Variants in CCDC7 observed in about 807,000 individuals in gnomAD.
The protein encoded by CCDC7 is coiled-coil domain-containing protein 7.
Under a neutral mutation model 196.9 loss-of-function variants are expected in CCDC7, and 183 were observed. The observed-to-expected ratio is 0.93, with a 90% CI of 0.82 to 1.05. The LOEUF is 1.05. Among genes scored for constraint, CCDC7 ranks in the 50% least tolerant of loss-of-function variants. The pLI is 0.00. For synonymous variants in CCDC7, 525 were observed against 484.6 expected (o/e 1.08, Z -1.10); for missense variants, 1,540 against 1,482.2 (o/e 1.04, Z -0.64).
chr10:32,676,852 T>C (rs1044358763), intron 21 of CCDC7, among the ~76,000 whole-genome samples: 10 of 152,252 alleles, frequency 6.6e-5, no homozygotes, highest in East Asian at 3.9e-4. Context: ...CCATTTGACC[T>C]AGCCATCCCA....
At chr10:32,705,116 C>A (rs987204636) in intron 24 of CCDC7, among the ~76,000 whole-genome samples, 2 of 152,140 alleles carry the variant, frequency 1.3e-5, no homozygotes, top group Non-Finnish European at 2.9e-5. Flanking sequence ...ATGCTGGGAG[C>A]TGTAGACTGG....
intron 28 of CCDC7, among the ~76,000 whole-genome samples, chr10:32,737,667 C>T (rs2085089447): frequency 6.6e-6 from 1 of 152,072 alleles, no homozygotes; most frequent in Non-Finnish European, 1.5e-5. Flanking sequence ...TCTTTGCAGT[C>T]CCATCTGTTT....
chr10:32,624,300 C>T (rs2063732305), intron 18 of CCDC7, among the ~76,000 whole-genome samples: 1 of 152,118 alleles, frequency 6.6e-6, no homozygotes, highest in South Asian at 2.1e-4. Context: ...GAGTGATCTT[C>T]TTAAAATATA....
At chr10:32,776,162 G>T (rs1273893574) in intron 28 of CCDC7, among the ~76,000 whole-genome samples, 81 of 145,932 alleles carry the variant, frequency 5.6e-4, no homozygotes, top group Non-Finnish European at 1.5e-4. Context: ...GGATAGCACT[G>T]GGAGATATAC....
chr10:32,746,425 T>A (rs1181008737), intron 28 of CCDC7, among the ~76,000 whole-genome samples: 1 of 152,172 alleles, frequency 6.6e-6, no homozygotes, highest in South Asian at 2.1e-4. Flanking sequence ...CTAGGCTGTG[T>A]GGATTCCAGA....
chr10:32,493,578 G>A (rs976319673), intron 9 of CCDC7, among the ~76,000 whole-genome samples: 1 of 151,580 alleles, frequency 6.6e-6, no homozygotes, highest in African/African-American at 2.4e-5. Context: ...TTGGTCATTC[G>A]GTAGTTCTGT....
chr10:32,870,936 G>A (rs549951508), intron 41 of CCDC7, among the ~76,000 whole-genome samples: 215 of 152,282 alleles, frequency 1.4e-3, no homozygotes, highest in Non-Finnish European at 2.7e-3. Flanking sequence ...TGCATCCCAG[G>A]GATGAAGCCC....
chr10:32,727,619 G>C (rs1368606615), intron 26 of CCDC7, among the ~76,000 whole-genome samples: 1 of 152,016 alleles, frequency 6.6e-6, no homozygotes, highest in African/African-American at 2.4e-5. Flanking sequence ...ATTCAGGAGA[G>C]GGCGCTTGAT....
intron 31 of CCDC7, among the ~76,000 whole-genome samples, chr10:32,820,481 G>A (rs2089943486): frequency 6.6e-6 from 1 of 151,964 alleles, no homozygotes; most frequent in Admixed American, 6.6e-5. Flanking sequence ...AGTTCATATG[G>A]AACCAAAAAA....
chr10:32,476,183 C>T (rs766789353), intron 8 of CCDC7, among the ~76,000 whole-genome samples: 1 of 152,078 alleles, frequency 6.6e-6, no homozygotes, highest in African/African-American at 2.4e-5. Context: ...GTTTAATTGC[C>T]CCCAAAATCC....
At position 32,668,694 on chromosome 10, in the gene CCDC7, A is replaced by G. The variant is rs369257452; in HGVS notation, c.2122+4533A>G. ...ACATTTATTGATTTGTGTATGTTGA[A>G]CCAGCCTTGCATCCCAGGGATGAAG... On this transcript the variant is annotated intron_variant, in intron 21 of 41. Coordinates refer to ENST00000639629, the Ensembl canonical transcript of CCDC7. Among the ~76,000 whole-genome samples the G allele has an allele frequency of 2.4e-4, 37 of 152,130 alleles. No homozygotes were observed. In the South Asian group the frequency reaches 7.5e-3, roughly 31 times the overall value.
chr10:32,582,129 TATATATATATA>T (rs2058798531), intron 16 of CCDC7, among the ~76,000 whole-genome samples: 1 of 91,954 alleles, frequency 1.1e-5, no homozygotes, highest in Non-Finnish European at 2.1e-5. Context: ...TATATATATA[TATATATATATA>T]CTTTTTTTTT....
At chr10:32,478,091 A>T (rs1309948539) in intron 8 of CCDC7, among the ~76,000 whole-genome samples, 1 of 152,206 alleles carries the variant, frequency 6.6e-6, no homozygotes, top group Non-Finnish European at 1.5e-5. Context: ...TTGAAATTTC[A>T]GTGCTACTAT....
intron 9 of CCDC7, among the ~76,000 whole-genome samples, chr10:32,515,377 T>C (rs1027067316): frequency 2.6e-5 from 4 of 152,094 alleles, no homozygotes; most frequent in Non-Finnish European, 4.4e-5. Context: ...GCTAGACATA[T>C]AGAGCAATGG....
At chr10:32,562,584 T>C (rs2055915247) in intron 13 of CCDC7, among the ~76,000 whole-genome samples, 1 of 152,204 alleles carries the variant, frequency 6.6e-6, no homozygotes, top group South Asian at 2.1e-4. Context: ...AGGAAAGGCC[T>C]TTGACAAAAT....
rs577336376 is a variant in CCDC7, at chr10:32,617,566, T to C, written c.1802-16688T>C. Among the ~76,000 whole-genome samples the C allele has an allele frequency of 1.4e-3, 218 of 152,100 alleles. 1 individual carries two copies. Among genetic ancestry groups the C allele is most frequent in the African/African-American group, 5.0e-3 (207 of 41,574 alleles). ...ACCCAGTGATCATTCAGAAGCCTAC[T>C]GTTTAAATTTCCATGTATTTTTATC... On this transcript the variant is annotated intron_variant, in intron 18 of 41. Transcript: ENST00000639629.
At chr10:32,479,954 G>A (rs975695101) in intron 8 of CCDC7, among the ~76,000 whole-genome samples, 2 of 151,606 alleles carry the variant, frequency 1.3e-5, no homozygotes, top group Admixed American at 6.6e-5. Context: ...ATGTGTCTAT[G>A]AATTATCCAG....
chr10:32,451,192 A>G (rs986544254), upstream of CCDC7, among the ~76,000 whole-genome samples: 1 of 152,158 alleles, frequency 6.6e-6, no homozygotes, highest in African/African-American at 2.4e-5. Context: ...AATTTGACCT[A>G]TGTTGTAATT....
intron 28 of CCDC7, among the ~76,000 whole-genome samples, chr10:32,737,990 A>G (rs1323076620): frequency 1.3e-5 from 2 of 152,192 alleles, no homozygotes; most frequent in African/African-American, 4.8e-5. Context: ...CTGTCTTTGA[A>G]TTGATATATT....
Sources: gnomAD v4.1 joint callset for allele counts (sites outside exome capture counted in the v4.1 genomes callset) on GRCh38, gnomAD v4.1.1 for gene constraint, MANE v1.5 for transcripts, NCBI Gene and HGNC (gene_info 2026-07-23, HGNC 2026-07-21) for gene names.